TRAM2: variants seen among roughly 807,000 people sequenced by gnomAD.
The protein encoded by TRAM2 is translocation associated membrane protein 2.
Under a neutral mutation model 51.0 loss-of-function variants are expected in TRAM2, and 12 were observed. The observed-to-expected ratio is 0.24, with a 90% confidence interval of 0.15 to 0.38. The LOEUF is 0.38. Ranked by LOEUF, TRAM2 falls within the 10% of genes least tolerant of loss-of-function variation. The probability of loss-of-function intolerance (pLI) is 1.00; values close to 1 mark genes in which losing one functional copy is unlikely to be tolerated. For missense variants in TRAM2, 361 were observed against 462.0 expected (o/e 0.78, Z 2.00); for synonymous variants, 175 against 179.4 (o/e 0.98, Z 0.20).
intron 1 of TRAM2, among the ~76,000 whole-genome samples, chr6:52,571,729 G>C (rs1157203813): frequency 6.6e-6 from 1 of 152,194 alleles, no homozygotes; most frequent in African/African-American, 2.4e-5. Context: ...GCTAGCAGTG[G>C]AGAACTTGGG....
At chr6:52,575,026 TA>T (rs2114113854) in intron 1 of TRAM2, among the ~76,000 whole-genome samples, 1 of 152,208 alleles carries the variant, frequency 6.6e-6, no homozygotes, top group South Asian at 2.1e-4. Context: ...GGAGGCCTCT[TA>T]GAATGGAGGA....
At chr6:52,572,552 G>A (rs1486957835) in intron 1 of TRAM2, among the ~76,000 whole-genome samples, 1 of 152,254 alleles carries the variant, frequency 6.6e-6, no homozygotes. Flanking sequence ...GCAGTGAGCT[G>A]AGATTGCACC....
rs1199333711 is a variant in TRAM2 at position 52,501,401 on chromosome 6, A to T, written c.*1796T>A. The T allele has an allele frequency of 6.6e-6, 1 of 152,028 alleles. No individual in the cohort carries two copies. Among genetic ancestry groups the T allele is most frequent in the African/African-American group, 2.4e-5 (1 of 41,374 alleles). 9.4% of individuals were successfully genotyped at this position (152,028 alleles called of 1,614,324 possible). A position where few individuals can be genotyped will look rare whatever the true frequency, so the allele number is the denominator to read the frequency against. ...GGGAGTTGCCTTGATGAAAAGACCC[A>T]TTTCCCCCCTTTTGAATCTAAATCC... On this transcript the variant is annotated 3_prime_UTR_variant, in exon 11 of 11. Coordinates refer to ENST00000182527, the MANE Select transcript of TRAM2 (RefSeq NM_012288.4).
At chr6:52,534,458 G>A (rs1320203040) in intron 2 of TRAM2, among the ~76,000 whole-genome samples, 1 of 152,180 alleles carries the variant, frequency 6.6e-6, no homozygotes, top group Non-Finnish European at 1.5e-5. Context: ...TCCTTCCTTT[G>A]TTCATCAAGA....
intron 1 of TRAM2, among the ~76,000 whole-genome samples, chr6:52,556,762 T>C (rs62405874): frequency 0.11 from 17,291 of 151,532 alleles, 1,536 homozygotes; most frequent in African/African-American, 0.25. Flanking sequence ...ACCCCATCTC[T>C]ACTAAAAATA....
chr6:52,572,468 T>C (rs1767696947), intron 1 of TRAM2, among the ~76,000 whole-genome samples: 1 of 152,170 alleles, frequency 6.6e-6, no homozygotes, highest in South Asian at 2.1e-4. Flanking sequence ...GCAGGGTGTG[T>C]GGCATGTGCC....
chr6:52,547,608 T>A (rs867501637), intron 1 of TRAM2, among the ~76,000 whole-genome samples: 2 of 152,252 alleles, frequency 1.3e-5, no homozygotes, highest in South Asian at 4.1e-4. Context: ...GAACCGATGC[T>A]ACACTGCCAC....
At chr6:52,568,188 T>C (rs1427390277) in intron 1 of TRAM2, among the ~76,000 whole-genome samples, 1 of 152,168 alleles carries the variant, frequency 6.6e-6, no homozygotes, top group Admixed American at 6.5e-5. Flanking sequence ...AGGCCCTCCA[T>C]TGGCACCAGC....
intron 2 of TRAM2, chr6:52,523,104 C>T: frequency 2.2e-6 from 1 of 445,734 alleles, no homozygotes; most frequent in Non-Finnish European, 3.9e-6. Flanking sequence ...TCACTGTACT[C>T]CTAGTTTCTT....
chr6:52,572,828 C>G (rs1767702825), intron 1 of TRAM2, among the ~76,000 whole-genome samples: 1 of 152,126 alleles, frequency 6.6e-6, no homozygotes, highest in Non-Finnish European at 1.5e-5. Flanking sequence ...ATTGTATATG[C>G]TACAAACATT....
At chr6:52,551,274 G>C (rs1376373582) in intron 1 of TRAM2, among the ~76,000 whole-genome samples, 1 of 152,162 alleles carries the variant, frequency 6.6e-6, no homozygotes, top group African/African-American at 2.4e-5. Flanking sequence ...ATGGGGACTG[G>C]CTCTACACTA....
chr6:52,543,790 C>T (rs1767147698), intron 1 of TRAM2, among the ~76,000 whole-genome samples: 1 of 152,204 alleles, frequency 6.6e-6, no homozygotes, highest in Admixed American at 6.5e-5. Flanking sequence ...CAGCAAGCAA[C>T]AAGAGTGGGT....
intron 7 of TRAM2, among the ~76,000 whole-genome samples, chr6:52,506,579 T>C (rs948890283): frequency 1.3e-5 from 2 of 152,188 alleles, no homozygotes; most frequent in African/African-American, 4.8e-5. Flanking sequence ...CAGCAAGTGC[T>C]CCTTCTGTGT....
Position 52,497,431 on chromosome 6 carries a change from T to C in TRAM2, c.*5766A>G, listed in dbSNP as rs918067095. 3 of 152,664 alleles carry C rather than the reference T, an allele frequency of 2.0e-5. No individual in the cohort carries two copies. Among genetic ancestry groups the C allele is most frequent in the African/African-American group, 7.2e-5 (3 of 41,450 alleles). The allele number at this position is 152,664 out of a possible 1,614,324, so 9.5% of individuals were successfully genotyped here. ...GATAATTTTCTGCCTTTTATTGTTATTTCAGAAAATATTTGATCATTTGTT... is the reference window on the plus strand; with the variant it reads ...GATAATTTTCTGCCTTTTATTGTTACTTCAGAAAATATTTGATCATTTGTT... On this transcript the variant is annotated 3_prime_UTR_variant, in exon 11 of 11. Transcript: ENST00000182527.
At chr6:52,537,039 T>A (rs1766986540) in intron 1 of TRAM2, among the ~76,000 whole-genome samples, 1 of 152,156 alleles carries the variant, frequency 6.6e-6, no homozygotes, top group African/African-American at 2.4e-5. Context: ...GAGGTCACTA[T>A]CCTCAGCTAC....
intron 1 of TRAM2, among the ~76,000 whole-genome samples, chr6:52,541,007 T>C (rs898687872): frequency 1.3e-5 from 2 of 152,336 alleles, no homozygotes; most frequent in Admixed American, 1.3e-4. Context: ...TTGAGCATGC[T>C]TGTGTAGCCA....
intron 1 of TRAM2, among the ~76,000 whole-genome samples, chr6:52,556,950 T>C (rs1767417045): frequency 6.6e-6 from 1 of 150,846 alleles, no homozygotes. Flanking sequence ...AAAAATCATT[T>C]TGGGAGGCCG....
intron 2 of TRAM2, chr6:52,523,540 A>C (rs60007869): frequency 0.36 from 55,280 of 152,142 alleles, 10,998 homozygotes; most frequent in Non-Finnish European, 0.45. Context: ...TGGCAAAAAT[A>C]CAAAGCTTGA....
chr6:52,532,249 T>G (rs2268731), intron 2 of TRAM2, among the ~76,000 whole-genome samples: 33,325 of 152,148 alleles, frequency 0.22, 5,229 homozygotes, highest in African/African-American at 0.4. Context: ...CCCAATCACA[T>G]GCACTTCAAC....
Sources: gnomAD v4.1 joint callset for allele counts (sites outside exome capture counted in the v4.1 genomes callset) on GRCh38, gnomAD v4.1.1 for gene constraint, MANE v1.5 for transcripts, NCBI Gene and HGNC (gene_info 2026-07-23, HGNC 2026-07-21) for gene names.